VRK2: variants seen among roughly 807,000 people sequenced by gnomAD.
VRK2 encodes the protein VRK serine/threonine kinase 2, also known as serine/threonine-protein kinase VRK2.
In VRK2, 60 loss-of-function variants were observed where a neutral mutation model predicts 57.6. That is an observed-to-expected ratio of 1.04 (90% CI 0.85 to 1.29). The LOEUF (loss-of-function observed/expected upper bound fraction) is 1.29, where lower values mean the gene tolerates loss of function less well. VRK2 is among the 50% of genes most tolerant of loss of function. VRK2 has a pLI of 0.00. For missense variants in VRK2, 705 were observed against 588.1 expected (o/e 1.20, Z -2.06); for synonymous variants, 231 against 199.2 (o/e 1.16, Z -1.35).
intron 1 of VRK2, among the ~76,000 whole-genome samples, chr2:57,926,439 ATGTGTGTG>A (rs142768773): frequency 0.33 from 48,723 of 145,480 alleles, 8,355 homozygotes; most frequent in East Asian, 0.41. Context: ...ACATATATAT[ATGTGTGTG>A]TGTGTGTGTG....
chr2:58,131,759 CAAGGACTT>C, intron 8 of VRK2, 41 bp from the exon 9 acceptor site: 1 of 1,510,290 alleles, frequency 6.6e-7, no homozygotes, highest in Non-Finnish European at 8.8e-7. Context: ...CTCCATTTCT[CAAGGACTT>C]GCTTATCCCT....
intron 1 of VRK2, among the ~76,000 whole-genome samples, chr2:58,010,653 G>A (rs1265818094): frequency 6.6e-6 from 1 of 152,108 alleles, no homozygotes; most frequent in Non-Finnish European, 1.5e-5. Context: ...CAGAGGCACA[G>A]GCATGCTTGT....
chr2:57,909,462 ATG>A (rs148903758), intron 1 of VRK2, among the ~76,000 whole-genome samples: 2 of 128,484 alleles, frequency 1.6e-5, no homozygotes, highest in Non-Finnish European at 1.7e-5. Context: ...GCCTGAGTGT[ATG>A]TGTGTGTGTG....
At chr2:58,086,892 A>T (rs904974486) in intron 5 of VRK2, among the ~76,000 whole-genome samples, 5 of 152,182 alleles carry the variant, frequency 3.3e-5, no homozygotes, top group African/African-American at 1.2e-4. Context: ...GAAGGAAGTC[A>T]TCGTTTTTTG....
At chr2:58,134,410 G>A (rs187128446) in intron 9 of VRK2, among the ~76,000 whole-genome samples, 1,795 of 151,806 alleles carry the variant, frequency 0.012, 37 homozygotes, top group African/African-American at 0.041. Context: ...AGGAGATCGA[G>A]ACCATCCTGG....
intron 1 of VRK2, among the ~76,000 whole-genome samples, chr2:57,948,602 C>T (rs568643276): frequency 4.6e-5 from 7 of 151,576 alleles, no homozygotes; most frequent in Non-Finnish European, 7.4e-5. Context: ...GTTTTAAGTG[C>T]TGGTAAAAAA....
At chr2:58,009,609 T>A (rs181932447) in intron 1 of VRK2, among the ~76,000 whole-genome samples, 1 of 151,364 alleles carries the variant, frequency 6.6e-6, no homozygotes, top group Non-Finnish European at 1.5e-5. Flanking sequence ...TATTATTTAA[T>A]TCCAATGACT....
At chr2:58,147,287 T>A (rs906674705) in intron 12 of VRK2, 15 of 443,498 alleles carry the variant, frequency 3.4e-5, no homozygotes, top group African/African-American at 3.0e-4. Flanking sequence ...AGCCTGCAAG[T>A]TTATCCAGAG....
intron 1 of VRK2, among the ~76,000 whole-genome samples, chr2:58,019,640 C>A (rs994501165): frequency 6.6e-6 from 1 of 152,172 alleles, no homozygotes; most frequent in African/African-American, 2.4e-5. Context: ...TAAACAAGTG[C>A]TTTTTAATGT....
intron 1 of VRK2, among the ~76,000 whole-genome samples, chr2:57,953,060 G>A (rs1671476681): frequency 1.3e-5 from 2 of 152,212 alleles, no homozygotes; most frequent in South Asian, 4.1e-4. Context: ...AAGCAGCTCA[G>A]AGTTGAGAAA....
In VRK2 at chr2:58,089,642, G is replaced by A. The variant is rs761002413; in HGVS notation, c.462G>A (p.Leu154=). Residue 154 remains leucine, a synonymous_variant, in exon 7 of 13, where the codon CTG becomes CTA. Coordinates refer to ENST00000340157, the MANE Select transcript of VRK2 (RefSeq NM_006296.7). ...ATTTATTTTCACAGTTGGATGTACT[G>A]GAATATATACATGAAAATGAATATG... ...LQLGIRMLDV[L]EYIHENEYVH... 1.3e-6 allele frequency: 2 copies of A among 1,596,014 alleles called. No homozygotes were observed. The highest frequency in any genetic ancestry group is 1.7e-6 in the Non-Finnish European group (2 of 1,168,488).
intron 1 of VRK2, among the ~76,000 whole-genome samples, chr2:57,920,983 G>T (rs2103905874): frequency 6.6e-6 from 1 of 152,194 alleles, no homozygotes; most frequent in Non-Finnish European, 1.5e-5. Flanking sequence ...AGGTATGATG[G>T]ACAGATACTG....
chr2:58,118,916 G>T (rs1012088248), intron 7 of VRK2, among the ~76,000 whole-genome samples: 1 of 152,210 alleles, frequency 6.6e-6, no homozygotes, highest in Non-Finnish European at 1.5e-5. Context: ...GGTGCTCAGT[G>T]GGGTAGCTTC....
Position 58,057,364 on chromosome 2 carries a change from T to C in VRK2, c.136+8397T>C, listed in dbSNP as rs532187694. On this transcript the variant is annotated intron_variant, in intron 2 of 12. Coordinates refer to ENST00000340157, the MANE Select transcript of VRK2 (RefSeq NM_006296.7). ...ATAAAAGTATGTGTTTATTCTCTTT[T>C]CAAGTATATTTTTAAAATACAAGAA... Among the ~76,000 whole-genome samples, 70 of 152,320 alleles carry C rather than the reference T, an allele frequency of 4.6e-4. 1 individual carries two copies. The highest frequency in any genetic ancestry group is 2.3e-3 in the South Asian group (11 of 4,832).
intron 9 of VRK2, among the ~76,000 whole-genome samples, chr2:58,132,854 C>T (rs913976589): frequency 2.0e-5 from 3 of 152,156 alleles, no homozygotes; most frequent in Non-Finnish European, 4.4e-5. Context: ...CATTTCTCCA[C>T]TCAGAATTTT....
intron 3 of VRK2, among the ~76,000 whole-genome samples, chr2:58,039,146 G>A (rs1430392450): frequency 6.6e-6 from 1 of 152,048 alleles, no homozygotes; most frequent in African/African-American, 2.4e-5. Context: ...AATTTTAAAA[G>A]CTATTATACA....
chr2:58,120,184 C>CTTTTCTTT (rs1677217985), intron 7 of VRK2, among the ~76,000 whole-genome samples: 2 of 51,988 alleles, frequency 3.8e-5, no homozygotes, highest in African/African-American at 1.0e-4. Flanking sequence ...TTTTTCTTTT[C>CTTTTCTTT]TTTTTTTTTT....
intron 2 of VRK2, among the ~76,000 whole-genome samples, chr2:58,055,624 A>G (rs958418833): frequency 1.4e-4 from 21 of 152,286 alleles, no homozygotes; most frequent in South Asian, 6.2e-4. Context: ...GCCAGGTGCA[A>G]TCAAAGCCAG....
intron 7 of VRK2, among the ~76,000 whole-genome samples, chr2:58,116,705 G>T (rs1328512972): frequency 6.6e-6 from 1 of 152,164 alleles, no homozygotes; most frequent in Non-Finnish European, 1.5e-5. Context: ...AGCCAAGAAG[G>T]AGTCAGTCAG....
Sources: gnomAD v4.1 joint callset for allele counts (sites outside exome capture counted in the v4.1 genomes callset) on GRCh38, gnomAD v4.1.1 for gene constraint, MANE v1.5 for transcripts, NCBI Gene and HGNC (gene_info 2026-07-23, HGNC 2026-07-21) for gene names.